Variants in ERMP1 observed in about 807,000 individuals in gnomAD.
ERMP1 encodes the protein endoplasmic reticulum metallopeptidase 1.
In ERMP1, 86 loss-of-function variants were observed where a neutral mutation model predicts 92.0. The observed-to-expected ratio is 0.93, with a 90% CI of 0.79 to 1.12. The LOEUF is 1.12. ERMP1 is among the 50% of genes most tolerant of loss of function. ERMP1 has a pLI of 0.00. For missense variants in ERMP1, 1,342 were observed against 1,116.3 expected (o/e 1.20, Z -2.88); for synonymous variants, 530 against 412.8 (o/e 1.28, Z -3.44).
At chr9:5,852,030 G>C (rs988213486) in intron 6 of ERMP1, among the ~76,000 whole-genome samples, 7 of 152,004 alleles carry the variant, frequency 4.6e-5, no homozygotes, top group African/African-American at 1.5e-4. Flanking sequence ...TGAAATCTAA[G>C]ATTATATAGA....
rs199811536 is a variant in ERMP1, at chr9:5,811,272, G to A, written c.1166C>T (p.Ala389Val). 6.2e-7 allele frequency: 1 copy of A among 1,613,666 alleles called. No homozygotes were observed. Among genetic ancestry groups the A allele is most frequent in the Non-Finnish European group, 8.5e-7 (1 of 1,179,942 alleles). ...TCCATGTCGATACTTAGAAGCAGCA[G>A]CCAGCATATCAGATGTAGCTAGATG... ...LKHLATSDML[A>V]AASKYRHGNM... The change falls in exon 7 of 15, where the codon GCT (alanine) becomes GTT (valine). Residue 389 changes from alanine (A) to valine (V), a missense_variant. Ala to Val is a moderately conservative substitution (Grantham distance 64, BLOSUM62 0). Coordinates refer to ENST00000339450, the MANE Select transcript of ERMP1 (RefSeq NM_024896.3).
chr9:5,830,797 C>T lies in ERMP1; in HGVS notation c.570G>A (p.Leu190=), dbSNP rs1427277578. ...CATGCTGGGCTCCATCTCTGGGTTCCAGCTTTACCACAACATTGGTGATGT... is the reference window on the plus strand; with the variant it reads ...CATGCTGGGCTCCATCTCTGGGTTCTAGCTTTACCACAACATTGGTGATGT... The part of the protein sequence containing the change: ...YDNITNVVVK[L]EPRDGAQHAV... Residue 190 remains leucine, a synonymous_variant, in exon 2 of 15, where the codon CTG becomes CTA. Coordinates refer to ENST00000339450, the MANE Select transcript of ERMP1 (RefSeq NM_024896.3). 6.2e-7 allele frequency: 1 copy of T among 1,614,142 alleles called. No individual in the cohort carries two copies.
chr9:5,805,041 G>C lies in ERMP1; in HGVS notation c.1900C>G (p.Leu634Val). The part of the protein sequence containing the change: ...ASILAGCTMI[L>V]SSYFINFIYL... The stretch of plus-strand genomic sequence containing the variant: ...TTTTCTCTTACAAAATAGGACGAGA[G>C]AATCATTGTACAGCCAGCCAAAATG... The change falls in exon 10 of 15, where the codon CTC (leucine) becomes GTC (valine). Residue 634 changes from leucine to valine, a missense_variant. Coordinates refer to ENST00000339450, the MANE Select transcript of ERMP1 (RefSeq NM_024896.3). The C allele has an allele frequency of 6.2e-7, 1 of 1,604,584 alleles. No homozygotes were observed. The highest frequency in any genetic ancestry group is 8.5e-7 in the Non-Finnish European group (1 of 1,177,772).
chr9:5,857,733 A>T (rs982738001), intron 6 of ERMP1, among the ~76,000 whole-genome samples: 2 of 152,184 alleles, frequency 1.3e-5, no homozygotes, highest in African/African-American at 4.8e-5. Context: ...ATATCATCCC[A>T]CGTTATCTGT....
intron 4 of ERMP1, 128 bp from the exon 5 acceptor site, chr9:5,813,163 C>A: frequency 1.2e-6 from 1 of 851,284 alleles, no homozygotes; most frequent in Non-Finnish European, 1.8e-6. Context: ...TGTACCTTTT[C>A]ATCCCTTTTT....
intron 13 of ERMP1, among the ~76,000 whole-genome samples, chr9:5,792,451 T>C (rs1828237086): frequency 6.6e-6 from 1 of 152,222 alleles, no homozygotes; most frequent in Non-Finnish European, 1.5e-5. Flanking sequence ...CCAGGCCAAA[T>C]GCTCCTGGAT....
chr9:5,823,288 T>A (rs559132792), intron 4 of ERMP1, among the ~76,000 whole-genome samples: 27 of 151,932 alleles, frequency 1.8e-4, no homozygotes, highest in Non-Finnish European at 3.7e-4. Flanking sequence ...AAAAAAACAA[T>A]AAAATAAAAA....
At chr9:5,828,594 T>C (rs1221536510) in intron 2 of ERMP1, among the ~76,000 whole-genome samples, 1 of 152,198 alleles carries the variant, frequency 6.6e-6, no homozygotes, top group South Asian at 2.1e-4. Flanking sequence ...TCTAAAAATG[T>C]ATTGTTTGGT....
chr9:5,804,111 A>G (rs1402426710), intron 10 of ERMP1, among the ~76,000 whole-genome samples: 1 of 152,202 alleles, frequency 6.6e-6, no homozygotes, highest in African/African-American at 2.4e-5. Context: ...AAGGCTCACT[A>G]TCATCTCCAT....
intron 6 of ERMP1, among the ~76,000 whole-genome samples, chr9:5,848,694 C>A (rs1830269108): frequency 7.0e-5 from 1 of 14,222 alleles, no homozygotes; most frequent in Non-Finnish European, 8.9e-4. Context: ...CTCTCTACCT[C>A]CACCCTGAAA....
chr9:5,787,037 G>A lies in ERMP1; in HGVS notation c.*107C>T, dbSNP rs1472051745. ...AACCCAGAAAGCTCTTTGAACATAT[G>A]ATCATTAAAATTCATTGACTTACGT... On this transcript the variant is annotated 3_prime_UTR_variant, in exon 15 of 15. Coordinates refer to ENST00000339450, the MANE Select transcript of ERMP1 (RefSeq NM_024896.3). The A allele has an allele frequency of 6.1e-6, 7 of 1,155,610 alleles. No individual in the cohort carries two copies. The South Asian group carries it at 7.8e-5, about 13-fold the overall frequency. 71.6% of individuals were successfully genotyped at this position (1,155,610 alleles called of 1,614,324 possible).
chr9:5,810,067 C>G lies in ERMP1; in HGVS notation c.1492G>C (p.Ala498Pro), dbSNP rs1328878845. Residue 498 changes from alanine (A) to proline (P), a missense_variant, in exon 8 of 15, where the codon GCA becomes CCA. Ala to Pro is a conservative substitution (Grantham distance 27). Transcript: ENST00000339450. Reference protein sequence around the residue: ...FYVSVCLYGTATVAKIILIHT... With the variant: ...FYVSVCLYGTPTVAKIILIHT... ...ATAAGTATTATTTTGGCTACAGTTG[C>G]AGTTCCATACAGACAAACGGAGACA... The G allele has an allele frequency of 6.2e-7, 1 of 1,613,896 alleles. No homozygotes were observed. The highest frequency in any genetic ancestry group is 1.3e-5 in the African/African-American group (1 of 75,052).
At chr9:5,846,727 T>C (rs192951095) in intron 6 of ERMP1, among the ~76,000 whole-genome samples, 2 of 152,342 alleles carry the variant, frequency 1.3e-5, no homozygotes, top group East Asian at 3.9e-4. Context: ...TACTTTGCTA[T>C]CCCTGTGGTT....
chr9:5,813,455 A>T (rs1181807770), intron 4 of ERMP1, among the ~76,000 whole-genome samples: 1 of 152,148 alleles, frequency 6.6e-6, no homozygotes, highest in Non-Finnish European at 1.5e-5. Flanking sequence ...GCTAGATACA[A>T]ATTGGGTATA....
chr9:5,812,629 C>T, intron 5 of ERMP1: 4 of 505,302 alleles, frequency 7.9e-6, no homozygotes, highest in South Asian at 4.3e-5. Flanking sequence ...GGATCTATTA[C>T]CATCTTTTGG....
chr9:5,798,113 A>C (rs1447927859), intron 12 of ERMP1, among the ~76,000 whole-genome samples, 181 bp from the exon 13 acceptor site: 1 of 152,234 alleles, frequency 6.6e-6, no homozygotes, highest in Non-Finnish European at 1.5e-5. Flanking sequence ...TCCCAATGTT[A>C]AGAACAAAGG....
chr9:5,842,762 C>G (rs1408518734), intron 6 of ERMP1, among the ~76,000 whole-genome samples: 1 of 152,188 alleles, frequency 6.6e-6, no homozygotes, highest in Non-Finnish European at 1.5e-5. Context: ...TTTCAGTAGC[C>G]TCTTACTTCC....
At chr9:5,792,928 C>T (rs1225038631) in intron 13 of ERMP1, among the ~76,000 whole-genome samples, 2 of 151,954 alleles carry the variant, frequency 1.3e-5, no homozygotes, top group Non-Finnish European at 2.9e-5. Context: ...TTTCATATAA[C>T]AAAAGAAAGC....
intron 3 of ERMP1, 46 bp from the exon 4 acceptor site, chr9:5,824,047 AT>A (rs759460709): frequency 6.7e-7 from 1 of 1,489,644 alleles, no homozygotes; most frequent in Admixed American, 1.7e-5. Flanking sequence ...ACAATCTTAA[AT>A]TATCAGTCTT....
Sources: allele counts gnomAD v4.1 joint callset (sites outside exome capture counted in the v4.1 genomes callset), GRCh38; gene constraint gnomAD v4.1.1; transcripts MANE v1.5; gene names NCBI Gene and HGNC (gene_info 2026-07-23, HGNC 2026-07-21).